TUBA3C: variants seen among roughly 807,000 people sequenced by gnomAD.
TUBA3C encodes the protein tubulin alpha-3C chain.
In TUBA3C, 23 loss-of-function variants were observed where a neutral mutation model predicts 33.4. The ratio of observed to expected loss-of-function variants is 0.69; its 90% CI spans 0.50 to 0.98. TUBA3C has a LOEUF of 0.98. TUBA3C is among the 50% of genes least tolerant of loss of function. The pLI, the probability that TUBA3C is intolerant of heterozygous loss-of-function variation, is 0.00. For synonymous variants in TUBA3C, 269 were observed against 250.4 expected (o/e 1.07, Z -0.70); for missense variants, 402 against 616.0 (o/e 0.65, Z 3.68).
chr13:19,180,695 C>T (rs1023247654), intron 1 of TUBA3C, among the ~76,000 whole-genome samples: 5 of 151,962 alleles, frequency 3.3e-5, no homozygotes, highest in Non-Finnish European at 5.9e-5. Context: ...TGGGGTTTCA[C>T]CGTGTTAGCC....
chr13:19,174,160 C>T lies in TUBA3C; in HGVS notation c.1057-1G>A. 6.2e-7 allele frequency: 1 copy of T among 1,609,454 alleles called. No homozygotes were observed. Among genetic ancestry groups the T allele is most frequent in the Non-Finnish European group, 8.5e-7 (1 of 1,177,048 alleles). ...TGGGGGGCTGGTAGTTAATGCCCAC[C>T]TGCCGGAGAAGAGGAAGAAACAGTC... On this transcript the variant is annotated splice_acceptor_variant, in intron 4 of 4. Coordinates refer to ENST00000400113, the MANE Select transcript of TUBA3C (RefSeq NM_006001.3). LOFTEE classifies it high-confidence loss of function.
rs1445766816 is a variant in TUBA3C at position 19,177,922 on chromosome 13, G to A, written c.376-315C>T. Among the ~76,000 whole-genome samples, 1 of 148,048 alleles carries A rather than the reference G, an allele frequency of 6.8e-6. No homozygotes were observed. The highest frequency in any genetic ancestry group is 1.5e-5 in the Non-Finnish European group (1 of 67,440). The stretch of plus-strand genomic sequence containing the variant: ...AGGGCAGTGGCATGAACTCCGCTCA[G>A]TGCAACCTCTGCCTCCCGGGCTCAA... On this transcript the variant is annotated intron_variant, in intron 3 of 4. Transcript: ENST00000400113. The surrounding 1 kb of genome is among the most constrained non-coding windows in gnomAD (Gnocchi z 5.0).
chr13:19,176,280 G>A (rs958950268), intron 4 of TUBA3C, among the ~76,000 whole-genome samples: 16 of 152,086 alleles, frequency 1.1e-4, no homozygotes, highest in Admixed American at 1.3e-4. Context: ...GCTGGGTGTA[G>A]TGGTGCATGT....
chr13:19,174,180 A>G, intron 4 of TUBA3C, 21 bp from the exon 5 acceptor site: 2 of 1,602,468 alleles, frequency 1.2e-6, no homozygotes, highest in Non-Finnish European at 1.7e-6. Context: ...AGAGGAAGAA[A>G]CAGTCCATGA....
intron 2 of TUBA3C, among the ~76,000 whole-genome samples, chr13:19,178,743 T>C (rs558310923): frequency 6.6e-6 from 1 of 152,200 alleles, no homozygotes; most frequent in Non-Finnish European, 1.5e-5. Flanking sequence ...TCGAAGGCTG[T>C]AAGTTAAAAA....
Position 19,173,775 on chromosome 13 carries a change from G to A in TUBA3C, c.*88C>T. 5 of 1,541,630 alleles carry A rather than the reference G, an allele frequency of 3.2e-6. No homozygotes were observed. The highest frequency in any genetic ancestry group is 4.4e-6 in the Non-Finnish European group (5 of 1,142,846). The stretch of plus-strand genomic sequence containing the variant: ...GGCAGTACGATACACAGAGGTCTTG[G>A]TTTTATACAGAACCTTTAATTGCAA... On this transcript the variant is annotated 3_prime_UTR_variant, in exon 5 of 5. Coordinates refer to ENST00000400113, the MANE Select transcript of TUBA3C (RefSeq NM_006001.3).
intron 1 of TUBA3C, 21 bp downstream of exon 1, chr13:19,181,724 G>A: frequency 6.2e-7 from 1 of 1,601,946 alleles, no homozygotes; most frequent in Non-Finnish European, 8.5e-7. Context: ...CGTCTGCGGG[G>A]TGGGAGTGAC....
At position 19,174,002 on chromosome 13, in the gene TUBA3C, A is replaced by T; in HGVS notation, c.1214T>A (p.Val405Glu). 3 of 1,612,626 alleles carry T rather than the reference A, an allele frequency of 1.9e-6. No individual in the cohort carries two copies. Among genetic ancestry groups the T allele is most frequent in the Non-Finnish European group, 2.5e-6 (3 of 1,179,752 alleles). The stretch of plus-strand genomic sequence containing the variant: ...CATGCCTTCTCCCACGTACCAGTGC[A>T]CAAAGGCCCGCTTGGCATACATGAG... ...FDLMYAKRAF[V>E]HWYVGEGMEE... The change falls in exon 5 of 5, where the codon GTG becomes GAG. Residue 405 changes from valine to glutamate, a missense_variant. Transcript: ENST00000400113.
chr13:19,178,429 AG>A, intron 2 of TUBA3C, 35 bp from the exon 3 acceptor site: 2 of 1,610,038 alleles, frequency 1.2e-6, no homozygotes, highest in South Asian at 2.2e-5. Context: ...TGAATCTTTA[AG>A]GCCTATACTC....
rs748098436 is a variant in TUBA3C, at chr13:19,179,578, A to G, written c.4-15T>C. 6.2e-7 allele frequency: 1 copy of G among 1,612,384 alleles called. No homozygotes were observed. The highest frequency in any genetic ancestry group is 2.2e-5 in the East Asian group (1 of 44,858). ...ATACACTCACGCTGTGAACCAGAAC[A>G]TAAATGTAGACCCATTCATTTCAAG... is the stretch of plus-strand genomic sequence containing the variant. On this transcript the variant is annotated splice_polypyrimidine_tract_variant and intron_variant, in intron 1 of 4. Transcript: ENST00000400113.
intron 1 of TUBA3C, 144 bp from the exon 2 acceptor site, chr13:19,179,707 G>T: frequency 8.2e-7 from 1 of 1,222,192 alleles, no homozygotes; most frequent in Non-Finnish European, 1.1e-6. Context: ...AGGGTTAGGT[G>T]ACTGACCCCT....
At chr13:19,178,686 C>T (rs182870260) in intron 2 of TUBA3C, among the ~76,000 whole-genome samples, 278 of 152,334 alleles carry the variant, frequency 1.8e-3, no homozygotes, top group Non-Finnish European at 3.2e-3. Context: ...AGCACCCCCA[C>T]ACAGGTAATT....
In TUBA3C at chr13:19,177,300, T is replaced by C. The variant is rs1055030029; in HGVS notation, c.683A>G (p.Asn228Ser). 5.6e-6 allele frequency: 9 copies of C among 1,614,002 alleles called. No individual in the cohort carries two copies. The highest frequency in any genetic ancestry group is 7.6e-6 in the Non-Finnish European group (9 of 1,180,008). ...DIERPTYTNLNRLIGQIVSSI... is the reference protein window; with the variant it reads ...DIERPTYTNLSRLIGQIVSSI... Reference sequence around the variant, plus strand: ...GGACACGATCTGCCCAATCAGGCGATTGAGGTTGGTGTACGTGGGACGCTC... The same window carrying C: ...GGACACGATCTGCCCAATCAGGCGACTGAGGTTGGTGTACGTGGGACGCTC... Residue 228 changes from asparagine to serine, a missense_variant, in exon 4 of 5, where the codon AAT becomes AGT. Transcript: ENST00000400113. The surrounding 1 kb of genome is among the most constrained non-coding windows in gnomAD (Gnocchi z 5.0).
rs1869260141 is a variant in TUBA3C, at chr13:19,177,921, A to C, written c.376-314T>G. The stretch of plus-strand genomic sequence containing the variant: ...GAGGGCAGTGGCATGAACTCCGCTC[A>C]GTGCAACCTCTGCCTCCCGGGCTCA... On this transcript the variant is annotated intron_variant, in intron 3 of 4. Coordinates refer to ENST00000400113, the MANE Select transcript of TUBA3C (RefSeq NM_006001.3). The surrounding 1 kb of genome is among the most constrained non-coding windows in gnomAD (Gnocchi z 5.0). Among the ~76,000 whole-genome samples, 1 of 149,102 alleles carries C rather than the reference A, an allele frequency of 6.7e-6. No individual in the cohort carries two copies. The highest frequency in any genetic ancestry group is 6.8e-5 in the Admixed American group (1 of 14,720).
chr13:19,177,494 C>T lies in TUBA3C; in HGVS notation c.489G>A (p.Lys163=), dbSNP rs374960374. The T allele has an allele frequency of 1.9e-6, 3 of 1,614,016 alleles. No individual in the cohort carries two copies. In the African/African-American group the frequency reaches 4.0e-5, roughly 22 times the overall value. ...AAATGGCAAATTCTAGCTTGGACTTCTTGCCGTAATCCACTGAGAGCCGCT... is the reference window on the plus strand; with the variant it reads ...AAATGGCAAATTCTAGCTTGGACTTTTTGCCGTAATCCACTGAGAGCCGCT... ...LMERLSVDYG[K]KSKLEFAIYP... The change falls in exon 4 of 5, where the codon AAG becomes AAA. Residue 163 remains lysine (K), a synonymous_variant. Transcript: ENST00000400113. The surrounding 1 kb of genome is among the most constrained non-coding windows in gnomAD (Gnocchi z 5.0).
rs959273810 is a variant in TUBA3C at position 19,177,218 on chromosome 13, G to A, written c.765C>T (p.Phe255=). ...DGALNVDLTE[F]QTNLVPYPRI... is the part of the protein sequence containing the mutation. ...GGGGGTACGGCACTAGGTTGGTCTG[G>A]AATTCCGTCAAGTCCACATTCAGGG... The change falls in exon 4 of 5, where the codon TTC becomes TTT. Residue 255 remains phenylalanine, a synonymous_variant. Transcript: ENST00000400113. The surrounding 1 kb of genome is among the most constrained non-coding windows in gnomAD (Gnocchi z 5.0). The A allele has an allele frequency of 2.5e-6, 4 of 1,614,124 alleles. No individual in the cohort carries two copies. Among genetic ancestry groups the A allele is most frequent in the Non-Finnish European group, 3.4e-6 (4 of 1,180,022 alleles).
At chr13:19,178,201 C>T (rs1217331701) in intron 3 of TUBA3C, 45 bp downstream of exon 3, 1 of 1,607,658 alleles carries the variant, frequency 6.2e-7, no homozygotes, top group African/African-American at 1.3e-5. Flanking sequence ...CTAAGATCTA[C>T]CCTCCTGTGC....
Position 19,176,725 on chromosome 13 carries a change from C to CAAAAAAAAAAAAAAAAAAAAAAAA in TUBA3C, c.1056+178_1056+201dup, listed in dbSNP as rs55746544. On this transcript the variant is annotated intron_variant, in intron 4 of 4. Coordinates refer to ENST00000400113, the MANE Select transcript of TUBA3C (RefSeq NM_006001.3). Reference sequence around the variant, plus strand: ...TGGGCGACAAAGCTAGACTCTGCCTCAAAAAAAAAAAAAAAAAAAAAAAAA... The same window carrying CAAAAAAAAAAAAAAAAAAAAAAAA: ...TGGGCGACAAAGCTAGACTCTGCCTCAAAAAAAAAAAAAAAAAAAAAAAAAAAAAAAAAAAAAAAAAAAAAAAAA... Among the ~76,000 whole-genome samples the CAAAAAAAAAAAAAAAAAAAAAAAA allele has an allele frequency of 2.6e-4, 9 of 34,606 alleles. 2 individuals are homozygous for CAAAAAAAAAAAAAAAAAAAAAAAA. Among genetic ancestry groups the CAAAAAAAAAAAAAAAAAAAAAAAA allele is most frequent in the Admixed American group, 5.8e-4 (1 of 1,718 alleles). 22.7% of individuals were successfully genotyped at this position (34,606 alleles called of 152,430 possible).
intron 2 of TUBA3C, 140 bp from the exon 3 acceptor site, chr13:19,178,534 G>A: frequency 8.4e-7 from 1 of 1,195,806 alleles, no homozygotes; most frequent in Non-Finnish European, 1.1e-6. Flanking sequence ...CAGTGGCAGT[G>A]TCTGGTAGAA....
Sources: allele counts gnomAD v4.1 joint callset (sites outside exome capture counted in the v4.1 genomes callset), GRCh38; gene constraint gnomAD v4.1.1; non-coding constraint Gnocchi (gnomAD v3.1); transcripts MANE v1.5; gene names NCBI Gene and HGNC (gene_info 2026-07-23, HGNC 2026-07-21).